The following TESK2 variants were observed in gnomAD, a reference collection of about 807,000 sequenced individuals.
TESK2 encodes testis associated actin remodelling kinase 2, also known as dual specificity testis-specific protein kinase 2.
Under a neutral mutation model 57.1 loss-of-function variants are expected in TESK2, and 39 were observed. That is an observed-to-expected ratio of 0.68 (90% CI 0.53 to 0.89). The LOEUF (loss-of-function observed/expected upper bound fraction) is 0.89, where lower values mean the gene tolerates loss of function less well. Ranked by LOEUF, TESK2 falls within the 40% of genes least tolerant of loss-of-function variation. The pLI, the probability that TESK2 is intolerant of heterozygous loss-of-function variation, is 0.00. For missense variants in TESK2, 646 were observed against 732.1 expected, an observed-to-expected ratio of 0.88 and a Z score of 1.36; for synonymous variants, 249 against 267.9, an observed-to-expected ratio of 0.93 and a Z score of 0.69.
Position 45,345,999 on chromosome 1 carries a change from A to G in TESK2, c.880-5T>C, listed in dbSNP as rs370363350. ...TGGGCGCAGTTTGGGATCCATCTGT[A>G]GGTATCCACAACAGCCATGAGCTCT... On this transcript the variant is annotated splice_polypyrimidine_tract_variant and splice_region_variant and intron_variant, in intron 9 of 10. Transcript: ENST00000372086. 147 of 1,608,222 alleles carry G rather than the reference A, an allele frequency of 9.1e-5. No individual in the cohort carries two copies. Among genetic ancestry groups the G allele is most frequent in the Non-Finnish European group, 1.2e-4 (139 of 1,174,608 alleles).
chr1:45,346,471 C>A (rs569802925), intron 9 of TESK2, among the ~76,000 whole-genome samples: 30 of 152,358 alleles, frequency 2.0e-4, no homozygotes, highest in Middle Eastern at 3.4e-3. Flanking sequence ...GTCTACCCTA[C>A]AGGTTGAGGA....
At chr1:45,386,798 C>A (rs1019071943) in intron 3 of TESK2, among the ~76,000 whole-genome samples, 35 of 152,072 alleles carry the variant, frequency 2.3e-4, no homozygotes, top group African/African-American at 8.5e-4. Flanking sequence ...GGACTACAGG[C>A]ATGCGCCACC....
chr1:45,345,754 T>C, intron 10 of TESK2, 123 bp downstream of exon 10: 1 of 923,924 alleles, frequency 1.1e-6, no homozygotes. Context: ...CTGCATCATC[T>C]CCTTCCCCTC....
intron 4 of TESK2, among the ~76,000 whole-genome samples, chr1:45,372,389 G>A (rs1032673879): frequency 1.3e-5 from 2 of 151,980 alleles, no homozygotes; most frequent in African/African-American, 4.8e-5. Flanking sequence ...ACCAGCCTGC[G>A]CAACATGGTG....
At chr1:45,417,284 C>T (rs771881267) in intron 3 of TESK2, among the ~76,000 whole-genome samples, 6 of 152,010 alleles carry the variant, frequency 3.9e-5, no homozygotes, top group African/African-American at 7.2e-5. Flanking sequence ...CAGGCTGGAA[C>T]GCAATGGTGC....
chr1:45,347,358 G>T (rs1647159372), intron 7 of TESK2, among the ~76,000 whole-genome samples: 1 of 152,138 alleles, frequency 6.6e-6, no homozygotes, highest in Admixed American at 6.5e-5. Context: ...TTCAGGTCAG[G>T]AGTCTGAGAC....
chr1:45,353,815 T>G (rs1647299076), intron 5 of TESK2, among the ~76,000 whole-genome samples: 1 of 152,214 alleles, frequency 6.6e-6, no homozygotes, highest in South Asian at 2.1e-4. Flanking sequence ...GGCTATGAGG[T>G]GTCTGTTTTG....
rs1570765367 is a variant in TESK2, at chr1:45,472,814, G to A, written c.-86-14943C>T. 2.6e-5 allele frequency among the ~76,000 whole-genome samples: 4 copies of A among 152,060 alleles called. No homozygotes were observed. In the South Asian group the frequency reaches 6.2e-4, roughly 24 times the overall value. ...GGAGACACCATACTGGAGCTTAGGA[G>A]AGAGGACTAGACTGAAGATGTACAC... On this transcript the variant is annotated intron_variant, in intron 1 of 10. Coordinates refer to ENST00000372086, the MANE Select transcript of TESK2 (RefSeq NM_007170.3).
At chr1:45,363,424 T>G (rs1647777128) in intron 4 of TESK2, among the ~76,000 whole-genome samples, 1 of 152,194 alleles carries the variant, frequency 6.6e-6, no homozygotes, top group Non-Finnish European at 1.5e-5. Flanking sequence ...CCTGTTAAAA[T>G]TATTCAGTGA....
chr1:45,481,415 C>A (rs1653220271), intron 1 of TESK2, among the ~76,000 whole-genome samples: 1 of 151,770 alleles, frequency 6.6e-6, no homozygotes, highest in African/African-American at 2.4e-5. Context: ...CAGTGGGGAA[C>A]CATGGGCAAC....
At chr1:45,369,665 T>A (rs1648094954) in intron 4 of TESK2, among the ~76,000 whole-genome samples, 1 of 151,026 alleles carries the variant, frequency 6.6e-6, no homozygotes, top group Non-Finnish European at 1.5e-5. Flanking sequence ...AAAGGTTTTA[T>A]GGGGAAATAA....
chr1:45,407,800 T>A (rs1649903903), intron 3 of TESK2, among the ~76,000 whole-genome samples: 1 of 152,198 alleles, frequency 6.6e-6, no homozygotes, highest in Non-Finnish European at 1.5e-5. Flanking sequence ...AATTACCCAG[T>A]CTTGGGTGTG....
intron 4 of TESK2, among the ~76,000 whole-genome samples, chr1:45,375,813 C>T (rs1297715700): frequency 1.3e-5 from 2 of 152,020 alleles, no homozygotes; most frequent in Non-Finnish European, 2.9e-5. Flanking sequence ...TATTGTATTC[C>T]CAGTACCTGG....
At chr1:45,368,252 C>T (rs1042195351) in intron 4 of TESK2, among the ~76,000 whole-genome samples, 1 of 152,160 alleles carries the variant, frequency 6.6e-6, no homozygotes, top group Non-Finnish European at 1.5e-5. Context: ...ATCTTGGCCT[C>T]CCGAAGTGCT....
At chr1:45,401,232 A>G (rs1340259202) in intron 3 of TESK2, among the ~76,000 whole-genome samples, 1 of 151,696 alleles carries the variant, frequency 6.6e-6, no homozygotes, top group African/African-American at 2.4e-5. Flanking sequence ...CCCTGTCTCT[A>G]CTAAAAATAT....
chr1:45,416,072 CTTTTTTTTTTTT>C (rs34785518), intron 3 of TESK2, among the ~76,000 whole-genome samples: 2 of 59,282 alleles, frequency 3.4e-5, no homozygotes, highest in Admixed American at 6.2e-4. Flanking sequence ...AATCTAGAGC[CTTTTTTTTTTTT>C]TTTTTTTTTT....
chr1:45,344,514 T>G lies in TESK2; in HGVS notation c.*326A>C. 3.6e-6 allele frequency: 1 copy of G among 278,484 alleles called. No individual in the cohort carries two copies. Among genetic ancestry groups the G allele is most frequent in the African/African-American group, 2.2e-5 (1 of 45,496 alleles). 17.3% of individuals were successfully genotyped at this position (278,484 alleles called of 1,614,324 possible). On this transcript the variant is annotated 3_prime_UTR_variant, in exon 11 of 11. Coordinates refer to ENST00000372086, the MANE Select transcript of TESK2 (RefSeq NM_007170.3). ...ACCTGGGGTGGGGAAAGAACCGGGG[T>G]AATAGCTGCCTGCCAGCTCAGCCTA...
intron 1 of TESK2, among the ~76,000 whole-genome samples, chr1:45,471,769 G>A (rs1039821210): frequency 7.9e-5 from 12 of 151,550 alleles, no homozygotes; most frequent in Non-Finnish European, 1.0e-4. Context: ...TGAGGAAAAA[G>A]AAGTGAGAGA....
intron 2 of TESK2, 104 bp downstream of exon 2, chr1:45,457,460 C>T (rs1652152530): frequency 4.0e-6 from 4 of 999,246 alleles, no homozygotes; most frequent in Non-Finnish European, 6.2e-6. Flanking sequence ...AGATCCACAG[C>T]ACCTTTATTA....
Sources: gnomAD v4.1 joint callset for allele counts (sites outside exome capture counted in the v4.1 genomes callset) on GRCh38, gnomAD v4.1.1 for gene constraint, MANE v1.5 for transcripts, NCBI Gene and HGNC (gene_info 2026-07-23, HGNC 2026-07-21) for gene names.